The following LRBA variants were observed in gnomAD, a reference collection of about 807,000 sequenced individuals.
The protein encoded by LRBA is LPS responsive beige-like anchor protein.
In LRBA, 176 loss-of-function variants were observed where a neutral mutation model predicts 330.0. The ratio of observed to expected loss-of-function variants is 0.53; its 90% CI spans 0.47 to 0.60. LRBA has a LOEUF of 0.60. Among genes scored for constraint, LRBA ranks in the 20% least tolerant of loss-of-function variants. The probability of loss-of-function intolerance (pLI) is 0.00; values close to 1 mark genes in which losing one functional copy is unlikely to be tolerated. For missense variants in LRBA, 3,259 were observed against 3,444.8 expected (o/e 0.95, Z 1.35); for synonymous variants, 1,230 against 1,193.0 (o/e 1.03, Z -0.64).
chr4:150,670,356 T>C (rs1781949223), intron 37 of LRBA, among the ~76,000 whole-genome samples: 1 of 152,250 alleles, frequency 6.6e-6, no homozygotes, highest in Non-Finnish European at 1.5e-5. Flanking sequence ...GTTTTTAATC[T>C]ATTACTGTCA....
intron 37 of LRBA, among the ~76,000 whole-genome samples, chr4:150,602,880 C>T (rs999568281): frequency 1.3e-5 from 2 of 152,176 alleles, no homozygotes; most frequent in Non-Finnish European, 2.9e-5. Context: ...CAGAAACAGA[C>T]TGTTGACCAA....
At chr4:150,997,302 A>AACTG (rs1474519657) in intron 2 of LRBA, among the ~76,000 whole-genome samples, 1 of 152,248 alleles carries the variant, frequency 6.6e-6, no homozygotes, top group East Asian at 1.9e-4. Context: ...CTACAAATAG[A>AACTG]AATGACTCCT....
chr4:150,685,626 G>A (rs1316217504), intron 36 of LRBA, among the ~76,000 whole-genome samples: 3 of 149,974 alleles, frequency 2.0e-5, no homozygotes, highest in African/African-American at 7.4e-5. Context: ...GTAGAGATGG[G>A]GTTTCACTGT....
chr4:150,978,482 T>A (rs1292695636), intron 2 of LRBA, among the ~76,000 whole-genome samples: 1 of 151,918 alleles, frequency 6.6e-6, no homozygotes, highest in East Asian at 1.9e-4. Flanking sequence ...CTGACAAACA[T>A]CCACAAGCAT....
At chr4:150,934,198 A>G (rs1734818300) in intron 2 of LRBA, among the ~76,000 whole-genome samples, 1 of 152,240 alleles carries the variant, frequency 6.6e-6, no homozygotes, top group Non-Finnish European at 1.5e-5. Context: ...ATGACATTGC[A>G]GAGGCATTAT....
chr4:150,608,364 G>C (rs1028446431), intron 37 of LRBA, among the ~76,000 whole-genome samples: 1 of 152,150 alleles, frequency 6.6e-6, no homozygotes, highest in Non-Finnish European at 1.5e-5. Flanking sequence ...GAAAGATGGG[G>C]ATGAATATTG....
At chr4:150,804,493 T>C in intron 33 of LRBA, among the ~76,000 whole-genome samples, 1 of 152,210 alleles carries the variant, frequency 6.6e-6, no homozygotes, top group Non-Finnish European at 1.5e-5. Context: ...ACCTTGCATT[T>C]CCATTATATC....
intron 40 of LRBA, among the ~76,000 whole-genome samples, chr4:150,514,855 T>C (rs1561289632): frequency 6.6e-6 from 1 of 152,214 alleles, no homozygotes; most frequent in Non-Finnish European, 1.5e-5. Context: ...AGAAGCTTAT[T>C]TGATCTGTGA....
intron 40 of LRBA, among the ~76,000 whole-genome samples, chr4:150,571,660 T>TG (rs1211498691): frequency 1.6e-4 from 23 of 144,556 alleles, no homozygotes; most frequent in African/African-American, 5.7e-4. Context: ...TTTTTTTTTT[T>TG]TTTTTTTTTT....
intron 40 of LRBA, among the ~76,000 whole-genome samples, chr4:150,506,416 G>C (rs1020747097): frequency 1.3e-5 from 2 of 152,166 alleles, no homozygotes; most frequent in African/African-American, 2.4e-5. Flanking sequence ...TGCAAGGCTG[G>C]TTCAACATAT....
intron 2 of LRBA, among the ~76,000 whole-genome samples, chr4:150,943,875 G>C (rs1277862634): frequency 6.6e-6 from 1 of 152,148 alleles, no homozygotes; most frequent in Non-Finnish European, 1.5e-5. Flanking sequence ...TACGAAGTTA[G>C]GTCATTAGAG....
At position 151,014,591 on chromosome 4, in the gene LRBA, C is replaced by T. The variant is rs150755521; in HGVS notation, c.52G>A (p.Gly18Arg). The T allele has an allele frequency of 9.0e-4, 1,458 of 1,611,564 alleles. 13 individuals are homozygous for T. Among genetic ancestry groups the T allele is most frequent in the East Asian group, 8.5e-3 (380 of 44,880 alleles). The change falls in exon 2 of 57, where the codon GGG becomes AGG. Residue 18 changes from glycine (G) to arginine (R), a missense_variant. Physicochemically the swap from Gly to Arg is moderately radical, Grantham distance 125. Coordinates refer to ENST00000651943, the MANE Select transcript of LRBA (RefSeq NM_001364905.1). Reference protein sequence around the residue: ...VPSPPPTGDDGGGGGREETPT... With the variant: ...VPSPPPTGDDRGGGGREETPT... ...GTTTCTTCTCTCCCTCCACCTCCCC[C>T]GTCATCACCTGTTGGTGGCGGGGAA...
In LRBA at chr4:150,700,267, G is replaced by A. The variant is rs368267830; in HGVS notation, c.5755-16550C>T. On this transcript the variant is annotated intron_variant, in intron 36 of 56. Transcript: ENST00000651943. ...ATATAGTCATGCATGGCTTAATGAC[G>A]AGGGCATACATCATACTGTTTATAG... Among the ~76,000 whole-genome samples, 144 of 152,122 alleles carry A rather than the reference G, an allele frequency of 9.5e-4. 2 individuals are homozygous for A. The Middle Eastern group carries it at 0.014, about 14-fold the overall frequency.
At chr4:150,352,073 T>G (rs1267926170) in intron 47 of LRBA, among the ~76,000 whole-genome samples, 1 of 152,236 alleles carries the variant, frequency 6.6e-6, no homozygotes, top group Non-Finnish European at 1.5e-5. Flanking sequence ...GAGACTGCTG[T>G]ACCAACTTAT....
chr4:150,810,065 G>A (rs1374403918), intron 31 of LRBA, among the ~76,000 whole-genome samples: 1 of 152,082 alleles, frequency 6.6e-6, no homozygotes, highest in Non-Finnish European at 1.5e-5. Flanking sequence ...GCATAGCCAG[G>A]ACCTAATCAG....
intron 17 of LRBA, 117 bp downstream of exon 17, chr4:150,892,935 T>A: frequency 1.7e-6 from 1 of 599,460 alleles, no homozygotes; most frequent in Non-Finnish European, 2.9e-6. Flanking sequence ...AAATCTTAAC[T>A]CATTTCATGC....
chr4:150,565,083 A>G (rs1768951829), intron 40 of LRBA, among the ~76,000 whole-genome samples: 2 of 152,192 alleles, frequency 1.3e-5, no homozygotes, highest in South Asian at 4.1e-4. Flanking sequence ...GCTATGTACA[A>G]TAGCAAAGAC....
chr4:150,270,578 C>T (rs560341397), intron 56 of LRBA, among the ~76,000 whole-genome samples: 3 of 152,214 alleles, frequency 2.0e-5, no homozygotes, highest in African/African-American at 4.8e-5. Flanking sequence ...TGAAAAGGGT[C>T]TGGAAATGGA....
chr4:150,692,549 T>A (rs1582063382), intron 36 of LRBA, among the ~76,000 whole-genome samples: 1 of 152,032 alleles, frequency 6.6e-6, no homozygotes, highest in South Asian at 2.1e-4. Flanking sequence ...ATGGACAAGG[T>A]ATAGATGGAG....
Sources: gnomAD v4.1 joint callset for allele counts (sites outside exome capture counted in the v4.1 genomes callset) on GRCh38, gnomAD v4.1.1 for gene constraint, MANE v1.5 for transcripts, NCBI Gene and HGNC (gene_info 2026-07-23, HGNC 2026-07-21) for gene names.